PTPRN2: variants seen among roughly 807,000 people sequenced by gnomAD.
PTPRN2 encodes the protein receptor-type tyrosine-protein phosphatase N2.
PTPRN2 carries 74 observed loss-of-function variants against 118.8 expected under a neutral mutation model. The observed-to-expected ratio is 0.62, with a 90% CI of 0.52 to 0.76. The LOEUF is 0.76. Among genes scored for constraint, PTPRN2 ranks in the 30% least tolerant of loss-of-function variants. PTPRN2 has a pLI of 0.00. For missense variants in PTPRN2, 1,481 were observed against 1,394.4 expected (o/e 1.06, Z -0.99); for synonymous variants, 641 against 608.0 (o/e 1.05, Z -0.80).
intron 12 of PTPRN2, among the ~76,000 whole-genome samples, chr7:157,789,255 T>C (rs896409513): frequency 2.6e-5 from 4 of 152,184 alleles, no homozygotes; most frequent in Admixed American, 1.3e-4. Context: ...TGGCTGGGCC[T>C]TGTACTCTCC....
intron 6 of PTPRN2, among the ~76,000 whole-genome samples, chr7:158,146,403 C>A (rs938506781): frequency 2.0e-5 from 3 of 152,112 alleles, no homozygotes; most frequent in African/African-American, 4.8e-5. Flanking sequence ...CTATTGTGAT[C>A]AAAGCCTGGG....
At chr7:158,405,798 G>A (rs10267128) in intron 2 of PTPRN2, among the ~76,000 whole-genome samples, 60,035 of 145,464 alleles carry the variant, frequency 0.41, 13,573 homozygotes, top group Non-Finnish European at 0.49. Flanking sequence ...GCATGTGGCC[G>A]CACACTGAGA....
At position 157,794,305 on chromosome 7, in the gene PTPRN2, T is replaced by G. The variant is rs1804726518; in HGVS notation, c.1788+104368A>C. ...CGGGCTCACACCTCCCCTCGTTCTCTGCTCTGACCCGGGCTCACACCTCCC... is the reference window on the plus strand; with the variant it reads ...CGGGCTCACACCTCCCCTCGTTCTCGGCTCTGACCCGGGCTCACACCTCCC... On this transcript the variant is annotated intron_variant, in intron 12 of 22. Transcript: ENST00000389418. The surrounding 1 kb of genome is among the most constrained non-coding windows in gnomAD (Gnocchi z 5.2). 6.6e-6 allele frequency among the ~76,000 whole-genome samples: 1 copy of G among 151,198 alleles called. No individual in the cohort carries two copies. The highest frequency in any genetic ancestry group is 2.4e-5 in the African/African-American group (1 of 41,140).
chr7:158,033,546 G>A (rs1476628470), intron 11 of PTPRN2, among the ~76,000 whole-genome samples: 2 of 152,192 alleles, frequency 1.3e-5, no homozygotes, highest in Non-Finnish European at 2.9e-5. Context: ...GTGAGTGGGG[G>A]CTCTGAGCCG....
chr7:157,724,519 A>G (rs1330163902), intron 12 of PTPRN2, among the ~76,000 whole-genome samples: 2 of 152,234 alleles, frequency 1.3e-5, no homozygotes, highest in African/African-American at 4.8e-5. Context: ...TCATGGGGTT[A>G]CATCCCAATG....
At chr7:157,624,336 G>A (rs1318246538) in intron 14 of PTPRN2, among the ~76,000 whole-genome samples, 3 of 152,062 alleles carry the variant, frequency 2.0e-5, no homozygotes, top group Middle Eastern at 3.4e-3. Context: ...CAGGAGAATC[G>A]CTTGAACCTG....
At position 158,319,559 on chromosome 7, in the gene PTPRN2, T is replaced by C. The variant is rs796371844; in HGVS notation, c.164-2627A>G. Among the ~76,000 whole-genome samples the C allele has an allele frequency of 3.7e-4, 14 of 37,746 alleles. 1 individual carries two copies. The highest frequency in any genetic ancestry group is 1.4e-3 in the East Asian group (2 of 1,412). 24.8% of individuals were successfully genotyped at this position (37,746 alleles called of 152,430 possible). A position where few individuals can be genotyped will look rare whatever the true frequency, so the allele number is the denominator to read the frequency against. ...CACAGCCTCCCTCACACACACACGG[T>C]CTCCCTCACACACGCACACAGCCTC... is the stretch of plus-strand genomic sequence containing the variant. On this transcript the variant is annotated intron_variant, in intron 2 of 22. Transcript: ENST00000389418.
At chr7:158,094,427 A>G (rs1293432212) in intron 10 of PTPRN2, among the ~76,000 whole-genome samples, 3 of 152,064 alleles carry the variant, frequency 2.0e-5, no homozygotes, top group Non-Finnish European at 4.4e-5. Context: ...CTCCTGCCTC[A>G]GCCTCCCCAG....
In PTPRN2 at chr7:158,071,582, C is replaced by CGTGGTGGAGGTG. The variant is rs1563392123; in HGVS notation, c.1723+9715_1723+9716insCACCTCCACCAC. Among the ~76,000 whole-genome samples the CGTGGTGGAGGTG allele has an allele frequency of 3.1e-3, 23 of 7,536 alleles. 1 individual carries two copies. Among genetic ancestry groups the CGTGGTGGAGGTG allele is most frequent in the Non-Finnish European group, 4.1e-3 (16 of 3,864 alleles). The allele number at this position is 7,536 out of a possible 152,430, so 4.9% of individuals were successfully genotyped here. On this transcript the variant is annotated intron_variant, in intron 11 of 22. Transcript: ENST00000389418. Reference sequence around the variant, plus strand: ...TGGAGGTGCTCCTGGTGGAGGTGCTCCTGGTGGAGGTGCTCCTGGTGGAGG... The same window carrying CGTGGTGGAGGTG: ...TGGAGGTGCTCCTGGTGGAGGTGCTCGTGGTGGAGGTGCTGGTGGAGGTGCTCCTGGTGGAGG...
chr7:158,290,636 G>A (rs868061717), intron 3 of PTPRN2, among the ~76,000 whole-genome samples: 16 of 152,076 alleles, frequency 1.1e-4, no homozygotes, highest in South Asian at 1.0e-3. Flanking sequence ...AGCAAAGTCT[G>A]GTACTCACTT....
chr7:158,336,216 C>T (rs1337996755), intron 2 of PTPRN2, among the ~76,000 whole-genome samples: 14 of 40,230 alleles, frequency 3.5e-4, no homozygotes, highest in African/African-American at 9.4e-4. Context: ...CCATAAGAGC[C>T]GACGCCCGCA....
At chr7:158,580,486 G>T (rs1828566140) in intron 1 of PTPRN2, among the ~76,000 whole-genome samples, 2 of 152,130 alleles carry the variant, frequency 1.3e-5, no homozygotes, top group Admixed American at 1.3e-4. Context: ...TTTTCAAAAT[G>T]ACCTTTCAGA....
chr7:157,833,323 G>C (rs890375508), intron 12 of PTPRN2, among the ~76,000 whole-genome samples: 2 of 147,602 alleles, frequency 1.4e-5, no homozygotes, highest in Non-Finnish European at 3.0e-5. Context: ...CGGTGAACTC[G>C]TCCAGGAGCG....
chr7:158,572,807 A>T (rs1465662432), intron 1 of PTPRN2, among the ~76,000 whole-genome samples: 1 of 152,232 alleles, frequency 6.6e-6, no homozygotes, highest in Admixed American at 6.5e-5. Context: ...CTTCAGTAAA[A>T]AATTATTAAG....
intron 12 of PTPRN2, among the ~76,000 whole-genome samples, chr7:157,698,669 T>C (rs189823566): frequency 6.6e-6 from 1 of 152,358 alleles, no homozygotes; most frequent in Admixed American, 6.5e-5. Flanking sequence ...CAGGTACTTA[T>C]AAACAGTGCA....
chr7:158,487,200 G>A (rs1821094495), intron 2 of PTPRN2, among the ~76,000 whole-genome samples: 1 of 152,160 alleles, frequency 6.6e-6, no homozygotes, highest in Non-Finnish European at 1.5e-5. Flanking sequence ...GGCTGCTTTC[G>A]CCTTTGGCTG....
At position 158,084,564 on chromosome 7, in the gene PTPRN2, G is replaced by A. The variant is rs187758441; in HGVS notation, c.1644-3187C>T. The stretch of plus-strand genomic sequence containing the variant: ...ACAAAGATGCCTAGAGCCCTGCAGA[G>A]TCTCTTAGGAGCAAGTACTGCACCT... On this transcript the variant is annotated intron_variant, in intron 10 of 22. Transcript: ENST00000389418. 2.6e-3 allele frequency among the ~76,000 whole-genome samples: 403 copies of A among 152,194 alleles called. 1 individual carries two copies. The highest frequency in any genetic ancestry group is 3.8e-3 in the Non-Finnish European group (259 of 67,976).
At chr7:158,395,211 G>C (rs1812252820) in intron 2 of PTPRN2, among the ~76,000 whole-genome samples, 1 of 151,614 alleles carries the variant, frequency 6.6e-6, no homozygotes, top group Non-Finnish European at 1.5e-5. Context: ...ACGGCCGCTA[G>C]ATGGCACGCA....
At chr7:157,677,654 G>A (rs892880482) in intron 13 of PTPRN2, among the ~76,000 whole-genome samples, 3 of 152,100 alleles carry the variant, frequency 2.0e-5, no homozygotes, top group Admixed American at 1.3e-4. Flanking sequence ...AAACCAAGCC[G>A]GCTGACCCCA....
Sources: gnomAD v4.1 joint callset for allele counts (sites outside exome capture counted in the v4.1 genomes callset) on GRCh38, gnomAD v4.1.1 for gene constraint, Gnocchi (gnomAD v3.1) non-coding constraint, MANE v1.5 for transcripts, NCBI Gene and HGNC (gene_info 2026-07-23, HGNC 2026-07-21) for gene names.